The following TENM3 variants were observed in gnomAD, a reference collection of about 807,000 sequenced individuals.
TENM3 encodes teneurin-3.
In TENM3, 63 loss-of-function variants were observed where a neutral mutation model predicts 255.1. The observed-to-expected ratio is 0.25, with a 90% CI of 0.20 to 0.30. TENM3 has a LOEUF of 0.30. Ranked by LOEUF, TENM3 falls within the 10% of genes least tolerant of loss-of-function variation. The pLI is 1.00. For missense variants in TENM3, 2,929 were observed against 3,461.1 expected (o/e 0.85, Z 3.86); for synonymous variants, 1,306 against 1,322.3 (o/e 0.99, Z 0.27).
chr4:182,405,393 C>T (rs965802205), intron 3 of TENM3, among the ~76,000 whole-genome samples: 16 of 152,146 alleles, frequency 1.1e-4, no homozygotes, highest in Non-Finnish European at 2.4e-4. Flanking sequence ...TGAGAGCGTA[C>T]CTAAGGTTGT....
intron 10 of TENM3, among the ~76,000 whole-genome samples, chr4:182,680,954 ATTCCT>A (rs573778613): frequency 9.8e-5 from 15 of 152,318 alleles, no homozygotes; most frequent in African/African-American, 3.6e-4. Context: ...ACTGTGAATC[ATTCCT>A]TTTCTTCACT....
At chr4:182,158,657 A>C (rs949084504) in intron 1 of TENM3, among the ~76,000 whole-genome samples, 6 of 152,166 alleles carry the variant, frequency 3.9e-5, no homozygotes, top group African/African-American at 1.4e-4. Flanking sequence ...AGGCAGTAGC[A>C]CTTAGGCCTA....
the TENM3 span, among the ~76,000 whole-genome samples, chr4:181,498,374 C>CCT: frequency 6.6e-6 from 1 of 151,986 alleles, no homozygotes; most frequent in South Asian, 2.1e-4. Context: ...CCCTCAGAAC[C>CCT]CTGGTTTGGC....
At chr4:181,691,521 A>T in the TENM3 span, among the ~76,000 whole-genome samples, 1 of 152,084 alleles carries the variant, frequency 6.6e-6, no homozygotes, top group Non-Finnish European at 1.5e-5. Context: ...CTTAGCATGA[A>T]TTGTGTGTAA....
At chr4:181,519,206 A>T in the TENM3 span, among the ~76,000 whole-genome samples, 1 of 152,340 alleles carries the variant, frequency 6.6e-6, no homozygotes, top group Admixed American at 6.5e-5. Context: ...GGAAGTGACA[A>T]CAACAATGAA....
the TENM3 span, among the ~76,000 whole-genome samples, chr4:182,068,912 CT>C: frequency 6.6e-6 from 1 of 151,776 alleles, no homozygotes; most frequent in Admixed American, 6.6e-5. Flanking sequence ...TCTAAATATC[CT>C]AAAATAAAGG....
intron 3 of TENM3, among the ~76,000 whole-genome samples, chr4:182,428,477 A>T (rs1190570782): frequency 2.0e-5 from 3 of 151,696 alleles, no homozygotes; most frequent in African/African-American, 7.3e-5. Context: ...TCCCAAAGAT[A>T]GGATCTGATC....
intron 3 of TENM3, among the ~76,000 whole-genome samples, chr4:182,572,537 C>T (rs538441069): frequency 2.0e-5 from 3 of 152,144 alleles, no homozygotes; most frequent in African/African-American, 4.8e-5. Context: ...AATTCCACAG[C>T]GGAGTTGATC....
intron 4 of TENM3, among the ~76,000 whole-genome samples, chr4:182,613,717 A>G (rs182213443): frequency 2.1e-4 from 32 of 152,344 alleles, no homozygotes; most frequent in African/African-American, 7.0e-4. Context: ...TGAACATGTT[A>G]TCATATTCAT....
intron 4 of TENM3, among the ~76,000 whole-genome samples, chr4:182,608,615 G>T (rs1433831361): frequency 6.6e-6 from 1 of 152,190 alleles, no homozygotes; most frequent in Non-Finnish European, 1.5e-5. Flanking sequence ...TCCGCTTGCT[G>T]CAGCCGCCCG....
the TENM3 span, among the ~76,000 whole-genome samples, chr4:181,472,111 G>A: frequency 6.6e-6 from 1 of 152,188 alleles, no homozygotes; most frequent in Middle Eastern, 3.4e-3. Flanking sequence ...AGTTTCCAAG[G>A]TGCCATATTT....
intron 1 of TENM3, among the ~76,000 whole-genome samples, chr4:182,291,588 A>G (rs1761129884): frequency 6.6e-6 from 1 of 152,040 alleles, no homozygotes; most frequent in Non-Finnish European, 1.5e-5. Flanking sequence ...TACCCTCCCC[A>G]TGGTACAGCT....
the TENM3 span, among the ~76,000 whole-genome samples, chr4:181,491,050 T>C: frequency 5.3e-5 from 8 of 152,260 alleles, no homozygotes; most frequent in East Asian, 1.5e-3. Context: ...ACTCTGTTTG[T>C]AAGTTTTAAA....
chr4:182,440,780 G>C (rs777086643), intron 3 of TENM3, among the ~76,000 whole-genome samples: 15 of 151,952 alleles, frequency 9.9e-5, no homozygotes, highest in South Asian at 4.2e-4. Context: ...TTCTGCGGAA[G>C]ACCGTGCGGA....
At chr4:182,729,234 A>G in intron 14 of TENM3, 53 bp downstream of exon 14, 1 of 1,453,322 alleles carries the variant, frequency 6.9e-7, no homozygotes, top group Non-Finnish European at 9.6e-7. Flanking sequence ...CAACAGTTAC[A>G]TACACTTATG....
chr4:182,239,031 T>TTGTGTG (rs199507110), upstream of TENM3, among the ~76,000 whole-genome samples: 544 of 110,452 alleles, frequency 4.9e-3, 4 homozygotes, highest in Middle Eastern at 0.013. Flanking sequence ...TTAAAAATCT[T>TTGTGTG]TATGTGTGTG....
the TENM3 span, among the ~76,000 whole-genome samples, chr4:181,953,048 GT>G: frequency 6.6e-6 from 1 of 152,160 alleles, no homozygotes; most frequent in Non-Finnish European, 1.5e-5. Flanking sequence ...GAAACACGAG[GT>G]TTATGTTTAC....
At chr4:181,451,648 G>A in the TENM3 span, among the ~76,000 whole-genome samples, 87 of 152,188 alleles carry the variant, frequency 5.7e-4, no homozygotes, top group African/African-American at 2.0e-3. Context: ...GAATGGATTG[G>A]GTAGGTTAAA....
chr4:182,439,623 C>T (rs1047418280), intron 3 of TENM3, among the ~76,000 whole-genome samples: 1 of 152,154 alleles, frequency 6.6e-6, no homozygotes, highest in Non-Finnish European at 1.5e-5. Flanking sequence ...GGTGTGTAAA[C>T]TAGCTGTCTC....
Sources: gnomAD v4.1 joint callset for allele counts (sites outside exome capture counted in the v4.1 genomes callset) on GRCh38, gnomAD v4.1.1 for gene constraint, MANE v1.5 for transcripts, NCBI Gene and HGNC (gene_info 2026-07-23, HGNC 2026-07-21) for gene names.